TMTC1: variants seen among roughly 807,000 people sequenced by gnomAD.
TMTC1 encodes protein O-mannosyl-transferase TMTC1.
A neutral mutation model predicts 104.8 loss-of-function variants in TMTC1; 73 were observed. That is an observed-to-expected ratio of 0.70 (90% CI 0.58 to 0.85). The LOEUF (loss-of-function observed/expected upper bound fraction) is 0.85. Among genes scored for constraint, TMTC1 ranks in the 40% least tolerant of loss-of-function variants. The pLI, the probability that TMTC1 is intolerant of heterozygous loss-of-function variation, is 0.00. For missense variants in TMTC1, 1,035 were observed against 1,096.1 expected (o/e 0.94, Z 0.79); for synonymous variants, 434 against 428.7 (o/e 1.01, Z -0.15).
intron 11 of TMTC1, among the ~76,000 whole-genome samples, chr12:29,521,569 T>TC (rs1004547861): frequency 2.7e-5 from 4 of 147,118 alleles, no homozygotes; most frequent in African/African-American, 1.0e-4. Flanking sequence ...TTTCTTTCTT[T>TC]TTTTTTTTTT....
intron 5 of TMTC1, among the ~76,000 whole-genome samples, chr12:29,693,628 C>T (rs1288696227): frequency 1.3e-5 from 2 of 151,498 alleles, no homozygotes; most frequent in South Asian, 2.1e-4. Flanking sequence ...AACTAAAATG[C>T]TGTGCACTAA....
chr12:29,768,123 A>T (rs1158085887), intron 1 of TMTC1, 48 bp from the exon 2 acceptor site: 1 of 1,372,204 alleles, frequency 7.3e-7, no homozygotes, highest in East Asian at 2.4e-5. Context: ...CTACAAACTC[A>T]ACATAAACAC....
chr12:29,725,667 T>C (rs1042775781), intron 5 of TMTC1, among the ~76,000 whole-genome samples: 4 of 152,208 alleles, frequency 2.6e-5, no homozygotes, highest in Non-Finnish European at 5.9e-5. Context: ...TCATAATTAA[T>C]TACATGCTCT....
intron 5 of TMTC1, among the ~76,000 whole-genome samples, chr12:29,643,716 T>TA (rs1474067123): frequency 0.017 from 647 of 38,062 alleles, 233 homozygotes; most frequent in Non-Finnish European, 0.023. Flanking sequence ...ATTATATATA[T>TA]AATATATAAA....
intron 5 of TMTC1, among the ~76,000 whole-genome samples, chr12:29,662,521 A>T (rs933204949): frequency 6.6e-6 from 1 of 151,864 alleles, no homozygotes; most frequent in Non-Finnish European, 1.5e-5. Context: ...GTGGTGGCAG[A>T]CACCTGTAGT....
intron 6 of TMTC1, among the ~76,000 whole-genome samples, chr12:29,618,012 T>A (rs1181168295): frequency 6.6e-6 from 1 of 152,006 alleles, no homozygotes; most frequent in Non-Finnish European, 1.5e-5. Flanking sequence ...AGCAGGGAGA[T>A]CGGTTAGAAG....
At chr12:29,652,670 A>C (rs1939576211) in intron 5 of TMTC1, among the ~76,000 whole-genome samples, 1 of 152,238 alleles carries the variant, frequency 6.6e-6, no homozygotes, top group Non-Finnish European at 1.5e-5. Context: ...AAAGATACAA[A>C]GAAAGATAAG....
At chr12:29,507,598 G>T (rs79536574) in intron 17 of TMTC1, among the ~76,000 whole-genome samples, 194 of 152,248 alleles carry the variant, frequency 1.3e-3, no homozygotes, top group African/African-American at 4.4e-3. Context: ...TACTTTTAGT[G>T]CAGTATGGTA....
At chr12:29,636,862 C>T (rs1268277892) in intron 5 of TMTC1, among the ~76,000 whole-genome samples, 3 of 148,580 alleles carry the variant, frequency 2.0e-5, no homozygotes, top group African/African-American at 5.0e-5. Flanking sequence ...CTAGGCAACA[C>T]AGCAAGACCT....
intron 5 of TMTC1, among the ~76,000 whole-genome samples, chr12:29,690,949 T>C (rs1443828447): frequency 6.6e-6 from 1 of 152,224 alleles, no homozygotes; most frequent in African/African-American, 2.4e-5. Context: ...TTTTAAGCTG[T>C]CCTTGTTCAT....
At position 29,716,023 on chromosome 12, in the gene TMTC1, T is replaced by TTA. The variant is rs1339601010; in HGVS notation, c.938+35641_938+35642dup. ...ATTATTATTATTATTATTATTATTA[T>TTA]TATTATTATTTTAGAAACAGGGTCT... is the stretch of plus-strand genomic sequence containing the variant. On this transcript the variant is annotated intron_variant, in intron 5 of 17. Coordinates refer to ENST00000539277, the MANE Select transcript of TMTC1 (RefSeq NM_001193451.2). 6.1e-5 allele frequency among the ~76,000 whole-genome samples: 9 copies of TTA among 147,284 alleles called. No individual in the cohort carries two copies. In the East Asian group the frequency reaches 1.4e-3, roughly 22 times the overall value.
chr12:29,559,084 C>T (rs972988010), intron 9 of TMTC1, among the ~76,000 whole-genome samples: 1 of 152,186 alleles, frequency 6.6e-6, no homozygotes, highest in Non-Finnish European at 1.5e-5. Flanking sequence ...TTCCATATTC[C>T]TTATTTCCTT....
At chr12:29,542,627 T>G (rs1450047353) in intron 10 of TMTC1, among the ~76,000 whole-genome samples, 1 of 152,160 alleles carries the variant, frequency 6.6e-6, no homozygotes, top group Non-Finnish European at 1.5e-5. Context: ...TCATTAGGAT[T>G]CTAAGCCTCT....
chr12:29,660,244 T>G (rs1549405), intron 5 of TMTC1, among the ~76,000 whole-genome samples: 1 of 152,088 alleles, frequency 6.6e-6, no homozygotes, highest in Non-Finnish European at 1.5e-5. Context: ...AAGTCTTGAC[T>G]ACCCCTCTGG....
At chr12:29,742,234 A>C (rs1591998805) in intron 5 of TMTC1, among the ~76,000 whole-genome samples, 1 of 151,782 alleles carries the variant, frequency 6.6e-6, no homozygotes, top group Non-Finnish European at 1.5e-5. Context: ...CTTCCATCCA[A>C]CTCTGGCTGG....
At position 29,758,703 on chromosome 12, in the gene TMTC1, C is replaced by A; in HGVS notation, c.554+1G>T. The A allele has an allele frequency of 6.2e-7, 1 of 1,613,336 alleles. No individual in the cohort carries two copies. Among genetic ancestry groups the A allele is most frequent in the Non-Finnish European group, 8.5e-7 (1 of 1,179,632 alleles). On this transcript the variant is annotated splice_donor_variant, in intron 3 of 17. Transcript: ENST00000539277. LOFTEE classifies it high-confidence loss of function. ...AGAAGGGCATTCTTAGCTACACATA[C>A]CTGTTGTACGAGAGAAAGGCCAATA...
chr12:29,743,417 G>C (rs777167207), intron 5 of TMTC1, among the ~76,000 whole-genome samples: 1 of 152,018 alleles, frequency 6.6e-6, no homozygotes, highest in Non-Finnish European at 1.5e-5. Context: ...CAATCATCAT[G>C]CTTGCTTCTG....
At chr12:29,774,225 C>T (rs1328117097) in intron 1 of TMTC1, among the ~76,000 whole-genome samples, 1 of 152,126 alleles carries the variant, frequency 6.6e-6, no homozygotes, top group African/African-American at 2.4e-5. Context: ...TGTTGATTCT[C>T]CGATCCCATC....
chr12:29,661,667 C>T (rs4578484), intron 5 of TMTC1, among the ~76,000 whole-genome samples: 6,162 of 152,168 alleles, frequency 0.04, 179 homozygotes, highest in Admixed American at 0.071. Flanking sequence ...AACTCCTGAC[C>T]TCAGGTGATC....
Sources: allele counts gnomAD v4.1 joint callset (sites outside exome capture counted in the v4.1 genomes callset), GRCh38; gene constraint gnomAD v4.1.1; transcripts MANE v1.5; gene names NCBI Gene and HGNC (gene_info 2026-07-23, HGNC 2026-07-21).